Variants in ASTN2 observed in about 807,000 individuals in gnomAD.
ASTN2 encodes astrotactin 2.
A neutral mutation model predicts 139.8 loss-of-function variants in ASTN2; 54 were observed. That is an observed-to-expected ratio of 0.39 (90% CI 0.31 to 0.48). The LOEUF is 0.48. Ranked by LOEUF, ASTN2 falls within the 20% of genes least tolerant of loss-of-function variation. The pLI, the probability that ASTN2 is intolerant of heterozygous loss-of-function variation, is 0.95. For missense variants in ASTN2, 1,565 were observed against 1,725.1 expected, an observed-to-expected ratio of 0.91 and a Z score of 1.64; for synonymous variants, 756 against 719.5, an observed-to-expected ratio of 1.05 and a Z score of -0.81.
rs1480392604 is a variant in ASTN2 at position 117,414,103 on chromosome 9, A to T, written c.442+394T>A. Among the ~76,000 whole-genome samples, 1 of 151,998 alleles carries T rather than the reference A, an allele frequency of 6.6e-6. No individual in the cohort carries two copies. The highest frequency in any genetic ancestry group is 1.9e-4 in the East Asian group (1 of 5,134). On this transcript the variant is annotated intron_variant, in intron 1 of 22. Transcript: ENST00000313400. The surrounding 1 kb of genome is among the most constrained non-coding windows in gnomAD (Gnocchi z 4.2). Reference sequence around the variant, plus strand: ...GAGGGGGCGGTGACGGCGGGTGGCCAGTGACGGTACCCGGAGAAGTGGGAG... The same window carrying T: ...GAGGGGGCGGTGACGGCGGGTGGCCTGTGACGGTACCCGGAGAAGTGGGAG...
At chr9:117,071,872 C>T (rs1214184727) in intron 5 of ASTN2, among the ~76,000 whole-genome samples, 6 of 152,132 alleles carry the variant, frequency 3.9e-5, no homozygotes, top group Admixed American at 1.3e-4. Context: ...CTTCGGCTCG[C>T]GCACCGTGCG....
intron 19 of ASTN2, among the ~76,000 whole-genome samples, chr9:116,506,972 T>C (rs1850139426): frequency 6.6e-6 from 1 of 152,158 alleles, no homozygotes; most frequent in Non-Finnish European, 1.5e-5. Flanking sequence ...AGAAAAACTC[T>C]GGGGATTGGT....
chr9:117,324,392 A>G (rs1587947900), intron 1 of ASTN2, among the ~76,000 whole-genome samples: 1 of 152,228 alleles, frequency 6.6e-6, no homozygotes, highest in East Asian at 1.9e-4. Context: ...AAGTGACCTC[A>G]AGAAACTTAC....
At chr9:116,440,527 TCA>T in intron 22 of ASTN2, 80 bp downstream of exon 22, 1 of 1,351,256 alleles carries the variant, frequency 7.4e-7, no homozygotes, top group East Asian at 2.3e-5. Context: ...AAGCCTAGTC[TCA>T]GCCTATGGGG....
intron 20 of ASTN2, among the ~76,000 whole-genome samples, chr9:116,482,436 C>T (rs1251230541): frequency 6.6e-6 from 1 of 152,158 alleles, no homozygotes; most frequent in Non-Finnish European, 1.5e-5. Flanking sequence ...ATAGTGAATA[C>T]TCAATAAAAT....
intron 16 of ASTN2, among the ~76,000 whole-genome samples, chr9:116,675,439 T>C (rs1221789599): frequency 6.6e-6 from 1 of 152,166 alleles, no homozygotes; most frequent in East Asian, 1.9e-4. Flanking sequence ...TCTGCATCTG[T>C]AGCCCCATTG....
At chr9:117,265,996 A>T (rs1460864018) in intron 2 of ASTN2, among the ~76,000 whole-genome samples, 1 of 152,184 alleles carries the variant, frequency 6.6e-6, no homozygotes. Context: ...TCTCTTCCAT[A>T]AGATTTGCTC....
At chr9:117,334,050 C>T (rs1828797774) in intron 1 of ASTN2, among the ~76,000 whole-genome samples, 1 of 152,162 alleles carries the variant, frequency 6.6e-6, no homozygotes, top group African/African-American at 2.4e-5. Context: ...AGATGGCAAA[C>T]ATTTTGGGCT....
intron 16 of ASTN2, among the ~76,000 whole-genome samples, chr9:116,717,518 C>G (rs1335504858): frequency 6.6e-6 from 1 of 152,072 alleles, no homozygotes; most frequent in East Asian, 1.9e-4. Flanking sequence ...CTAGATTGAT[C>G]CTACAAATAA....
intron 3 of ASTN2, among the ~76,000 whole-genome samples, chr9:117,209,339 T>A (rs748532904): frequency 6.6e-6 from 1 of 151,902 alleles, no homozygotes; most frequent in Non-Finnish European, 1.5e-5. Context: ...AAACATAGAA[T>A]GAAAGTGAAG....
At chr9:116,925,889 CAT>C (rs1491009815) in intron 10 of ASTN2, among the ~76,000 whole-genome samples, 1 of 151,762 alleles carries the variant, frequency 6.6e-6, no homozygotes, top group African/African-American at 2.4e-5. Context: ...CACACACACA[CAT>C]ATATACACAT....
intron 5 of ASTN2, among the ~76,000 whole-genome samples, chr9:117,051,612 G>A (rs969910854): frequency 6.6e-6 from 1 of 152,120 alleles, no homozygotes; most frequent in Non-Finnish European, 1.5e-5. Context: ...TACCCCTTTG[G>A]TTCTAAAAAT....
intron 1 of ASTN2, among the ~76,000 whole-genome samples, chr9:117,391,158 C>T (rs953893774): frequency 8.5e-5 from 13 of 152,192 alleles, no homozygotes; most frequent in African/African-American, 1.7e-4. Context: ...TGTAAGGATA[C>T]GGAGGGCCAA....
chr9:116,599,989 C>T (rs1442492101), intron 19 of ASTN2, among the ~76,000 whole-genome samples: 1 of 152,102 alleles, frequency 6.6e-6, no homozygotes, highest in Admixed American at 6.6e-5. Flanking sequence ...CACCTTGATG[C>T]CACACAGAAT....
chr9:116,893,911 A>G (rs1833823711), intron 10 of ASTN2, among the ~76,000 whole-genome samples: 3 of 152,154 alleles, frequency 2.0e-5, no homozygotes. Flanking sequence ...GTCTGCCCCC[A>G]GGCCCACGCT....
intron 12 of ASTN2, among the ~76,000 whole-genome samples, chr9:116,815,885 A>C (rs894788054): frequency 6.6e-6 from 1 of 151,354 alleles, no homozygotes; most frequent in Non-Finnish European, 1.5e-5. Flanking sequence ...TAACTCTCTT[A>C]GCAAATAACG....
chr9:117,194,575 T>C (rs1418186375), intron 3 of ASTN2, among the ~76,000 whole-genome samples: 1 of 152,148 alleles, frequency 6.6e-6, no homozygotes, highest in Non-Finnish European at 1.5e-5. Context: ...TAAAACATAG[T>C]TTTGATTATG....
intron 7 of ASTN2, among the ~76,000 whole-genome samples, chr9:117,003,530 G>GGTGTGTGTGTGTGTGTGT (rs11271769): frequency 0.24 from 24,594 of 103,204 alleles, 4,661 homozygotes; most frequent in Admixed American, 0.37. Context: ...TCTAAAGAGT[G>GGTGTGTGTGTGTGTGTGT]GTGTGTGTGT....
At chr9:116,876,286 T>C (rs940749644) in intron 10 of ASTN2, among the ~76,000 whole-genome samples, 2 of 152,196 alleles carry the variant, frequency 1.3e-5, no homozygotes, top group African/African-American at 2.4e-5. Flanking sequence ...AGGTTGAAGA[T>C]GTGACTGAAT....
Sources: allele counts gnomAD v4.1 joint callset (sites outside exome capture counted in the v4.1 genomes callset), GRCh38; gene constraint gnomAD v4.1.1; non-coding constraint Gnocchi (gnomAD v3.1); transcripts MANE v1.5; gene names NCBI Gene and HGNC (gene_info 2026-07-23, HGNC 2026-07-21).